SAMD4A: variants seen among roughly 807,000 people sequenced by gnomAD.
The protein encoded by SAMD4A is protein Smaug homolog 1.
Under a neutral mutation model 81.3 loss-of-function variants are expected in SAMD4A, and 33 were observed. The ratio of observed to expected loss-of-function variants is 0.41; its 90% confidence interval spans 0.31 to 0.54. The LOEUF is 0.54. SAMD4A is among the 20% of genes least tolerant of loss of function. The pLI, the probability that SAMD4A is intolerant of heterozygous loss-of-function variation, is 0.37. For synonymous variants in SAMD4A, 389 were observed against 382.1 expected (o/e 1.02, Z -0.21); for missense variants, 854 against 951.1 (o/e 0.90, Z 1.34).
chr14:54,612,375 A>C (rs1461821703), intron 2 of SAMD4A, among the ~76,000 whole-genome samples: 1 of 152,076 alleles, frequency 6.6e-6, no homozygotes, highest in Non-Finnish European at 1.5e-5. Flanking sequence ...GTCTTCTTTG[A>C]GTCATTAGAA....
chr14:54,680,112 G>A (rs991825064), intron 2 of SAMD4A, among the ~76,000 whole-genome samples: 6 of 152,194 alleles, frequency 3.9e-5, no homozygotes, highest in African/African-American at 1.4e-4. Flanking sequence ...TGTTGTGTCT[G>A]TTGGAAAAAT....
chr14:54,728,022 A>G (rs1309182275), intron 3 of SAMD4A, among the ~76,000 whole-genome samples: 2 of 152,074 alleles, frequency 1.3e-5, no homozygotes, highest in Non-Finnish European at 1.5e-5. Flanking sequence ...TTTCATATCC[A>G]ATAAGAAATG....
At chr14:54,762,600 C>T (rs2038429402) in intron 7 of SAMD4A, among the ~76,000 whole-genome samples, 2 of 152,120 alleles carry the variant, frequency 1.3e-5, no homozygotes, top group Admixed American at 1.3e-4. Flanking sequence ...CTACTGAACA[C>T]GCGGCACATC....
At chr14:54,750,288 A>G (rs1370524843) in intron 5 of SAMD4A, among the ~76,000 whole-genome samples, 1 of 152,234 alleles carries the variant, frequency 6.6e-6, no homozygotes, top group Non-Finnish European at 1.5e-5. Flanking sequence ...GTTTCATCTT[A>G]GAGACTGGGT....
intron 3 of SAMD4A, among the ~76,000 whole-genome samples, chr14:54,733,563 A>G (rs2037612692): frequency 6.6e-6 from 1 of 152,210 alleles, no homozygotes; most frequent in African/African-American, 2.4e-5. Flanking sequence ...AATGCAGTAT[A>G]AATTGAGGAC....
intron 2 of SAMD4A, among the ~76,000 whole-genome samples, chr14:54,573,912 G>A (rs1431896205): frequency 2.0e-5 from 3 of 152,184 alleles, no homozygotes; most frequent in Non-Finnish European, 2.9e-5. Context: ...CCTGGAACCC[G>A]GAAGCTCATT....
At chr14:54,651,907 G>A (rs2035413311) in intron 2 of SAMD4A, among the ~76,000 whole-genome samples, 1 of 152,142 alleles carries the variant, frequency 6.6e-6, no homozygotes, top group Non-Finnish European at 1.5e-5. Context: ...TACCTACTTT[G>A]GTAATTGTAA....
At chr14:54,584,098 A>G (rs571988272) in intron 2 of SAMD4A, among the ~76,000 whole-genome samples, 4 of 152,336 alleles carry the variant, frequency 2.6e-5, no homozygotes, top group South Asian at 2.1e-4. Flanking sequence ...AATTTCATAA[A>G]GAATAAATAT....
intron 2 of SAMD4A, among the ~76,000 whole-genome samples, chr14:54,651,168 C>T (rs1347412424): frequency 6.6e-6 from 1 of 152,162 alleles, no homozygotes; most frequent in Non-Finnish European, 1.5e-5. Flanking sequence ...TGGTCTTTCT[C>T]TTGGTTTAGA....
At chr14:54,597,570 G>T (rs760508540) in intron 2 of SAMD4A, among the ~76,000 whole-genome samples, 1 of 148,374 alleles carries the variant, frequency 6.7e-6, no homozygotes, top group Non-Finnish European at 1.5e-5. Context: ...ACCGCACCCG[G>T]CCTTTCCTTC....
intron 6 of SAMD4A, among the ~76,000 whole-genome samples, chr14:54,755,847 T>C (rs949693434): frequency 6.6e-6 from 1 of 152,198 alleles, no homozygotes; most frequent in African/African-American, 2.4e-5. Context: ...TTATTCACCA[T>C]CCTGCCTTTT....
At chr14:54,609,566 G>A (rs531828554) in intron 2 of SAMD4A, among the ~76,000 whole-genome samples, 1 of 152,326 alleles carries the variant, frequency 6.6e-6, no homozygotes, top group East Asian at 1.9e-4. Flanking sequence ...GAAGAATAAT[G>A]TACTGTTTGG....
chr14:54,658,759 T>C (rs1334389673), intron 2 of SAMD4A, among the ~76,000 whole-genome samples: 4 of 152,230 alleles, frequency 2.6e-5, no homozygotes, highest in Non-Finnish European at 5.9e-5. Context: ...ATCTCCCCAG[T>C]GTTCCTCCAA....
chr14:54,648,720 C>T (rs1004422676), intron 2 of SAMD4A, among the ~76,000 whole-genome samples: 2 of 151,838 alleles, frequency 1.3e-5, no homozygotes, highest in African/African-American at 2.4e-5. Flanking sequence ...CTGTGTGGGT[C>T]GTGTAAAACT....
chr14:54,775,692 C>CGCCT (rs2038825575), intron 10 of SAMD4A, among the ~76,000 whole-genome samples: 1 of 152,124 alleles, frequency 6.6e-6, no homozygotes. Context: ...CAGTGCCTTC[C>CGCCT]GCCTGTGTGC....
intron 2 of SAMD4A, among the ~76,000 whole-genome samples, chr14:54,669,819 A>G (rs1042731164): frequency 6.6e-6 from 1 of 152,214 alleles, no homozygotes; most frequent in African/African-American, 2.4e-5. Flanking sequence ...CGTTGCCAGC[A>G]TGCAGGGAAC....
At chr14:54,675,227 G>A (rs55668424) in intron 2 of SAMD4A, among the ~76,000 whole-genome samples, 21,956 of 151,814 alleles carry the variant, frequency 0.14, 1,931 homozygotes, top group African/African-American at 0.23. Flanking sequence ...TTAGCCGGGC[G>A]TGGTGGCGGG....
intron 6 of SAMD4A, among the ~76,000 whole-genome samples, chr14:54,752,974 C>T (rs1003152183): frequency 6.6e-6 from 1 of 152,224 alleles, no homozygotes; most frequent in Non-Finnish European, 1.5e-5. Flanking sequence ...TAAAGAATAA[C>T]AAGGCAGCAT....
chr14:54,789,179 G>T lies in SAMD4A; in HGVS notation c.*235G>T. On this transcript the variant is annotated 3_prime_UTR_variant, in exon 13 of 13. Transcript: ENST00000554335. The stretch of plus-strand genomic sequence containing the variant: ...GTCATGGGATGGTTTGGTGTGTGGG[G>T]TGGGGAGGGGTCTCTAGGGAATTAT... 1 of 552,174 alleles carries T rather than the reference G, an allele frequency of 1.8e-6. No homozygotes were observed. Among genetic ancestry groups the T allele is most frequent in the Non-Finnish European group, 3.3e-6 (1 of 305,796 alleles). The allele number at this position is 552,174 out of a possible 1,614,324, so 34.2% of individuals were successfully genotyped here.
Sources: allele counts gnomAD v4.1 joint callset (sites outside exome capture counted in the v4.1 genomes callset), GRCh38; gene constraint gnomAD v4.1.1; transcripts MANE v1.5; gene names NCBI Gene and HGNC (gene_info 2026-07-23, HGNC 2026-07-21).